GABRB3: variants seen among roughly 807,000 people sequenced by gnomAD.
The protein encoded by GABRB3 is gamma-aminobutyric acid type A receptor subunit beta3, also known as gamma-aminobutyric acid receptor subunit beta-3.
GABRB3 carries 14 observed loss-of-function variants against 52.1 expected under a neutral mutation model. The ratio of observed to expected loss-of-function variants is 0.27; its 90% confidence interval spans 0.18 to 0.42. The LOEUF is 0.42. Ranked by LOEUF, GABRB3 falls within the 10% of genes least tolerant of loss-of-function variation. The pLI is 1.00. For missense variants in GABRB3, 307 were observed against 609.1 expected, an observed-to-expected ratio of 0.50 and a Z score of 5.22; for synonymous variants, 260 against 232.3, an observed-to-expected ratio of 1.12 and a Z score of -1.08.
chr15:26,747,952 C>CTT (rs57157481), intron 3 of GABRB3, among the ~76,000 whole-genome samples: 3 of 87,446 alleles, frequency 3.4e-5, no homozygotes, highest in African/African-American at 1.7e-4. Flanking sequence ...TTTTCAAATG[C>CTT]TTTTTTTTTT....
intron 3 of GABRB3, among the ~76,000 whole-genome samples, chr15:26,742,989 G>A (rs1434680679): frequency 1.7e-5 from 2 of 119,528 alleles, no homozygotes; most frequent in Non-Finnish European, 3.2e-5. Context: ...GAGTGCAGTT[G>A]TAGGATCTCA....
chr15:26,606,827 TAGATAGATAGATAG>T (rs2140510713), intron 4 of GABRB3, among the ~76,000 whole-genome samples: 1 of 151,980 alleles, frequency 6.6e-6, no homozygotes, highest in African/African-American at 2.4e-5. Flanking sequence ...GATAGATAGA[TAGATAGATAGATAG>T]ATATGGTTAA....
intron 3 of GABRB3, among the ~76,000 whole-genome samples, chr15:26,662,944 C>T (rs534761293): frequency 3.3e-5 from 5 of 152,282 alleles, no homozygotes; most frequent in African/African-American, 1.2e-4. Flanking sequence ...TACCCCATGC[C>T]CAGTGTCCCC....
rs181401809 is a variant in GABRB3, at chr15:26,616,786, T to A, written c.461+4528A>T. Among the ~76,000 whole-genome samples the A allele has an allele frequency of 7.9e-4, 121 of 152,264 alleles. No individual in the cohort carries two copies. In the East Asian group the frequency reaches 0.023, roughly 29 times the overall value. Reference sequence around the variant, plus strand: ...CATATGAAGTTACAGACCAAGCAATTTTTATTTTCTTGGTTGATCTTACTC... The same window carrying A: ...CATATGAAGTTACAGACCAAGCAATATTTATTTTCTTGGTTGATCTTACTC... On this transcript the variant is annotated intron_variant, in intron 4 of 8. Transcript: ENST00000311550.
At chr15:26,679,355 T>C (rs1388454210) in intron 3 of GABRB3, among the ~76,000 whole-genome samples, 1 of 152,010 alleles carries the variant, frequency 6.6e-6, no homozygotes, top group African/African-American at 2.4e-5. Flanking sequence ...CTCCTTGAAC[T>C]TTCAGAATAA....
chr15:26,738,513 GA>G (rs1172334016), intron 3 of GABRB3, among the ~76,000 whole-genome samples: 2 of 152,124 alleles, frequency 1.3e-5, no homozygotes, highest in Non-Finnish European at 2.9e-5. Context: ...TATTTAAAGG[GA>G]CCTCAATAAA....
At chr15:26,634,985 AATATAT>A (rs1555372933) in intron 3 of GABRB3, among the ~76,000 whole-genome samples, 3 of 5,840 alleles carry the variant, frequency 5.1e-4, no homozygotes, top group African/African-American at 8.1e-4. Context: ...TGTATCTCTA[AATATAT>A]ATATATATAT....
At chr15:26,693,721 A>C (rs961842267) in intron 3 of GABRB3, among the ~76,000 whole-genome samples, 2 of 152,242 alleles carry the variant, frequency 1.3e-5, no homozygotes, top group African/African-American at 2.4e-5. Flanking sequence ...GATACAGAGA[A>C]TCATAGCTCA....
chr15:26,682,162 C>T (rs554407370), intron 3 of GABRB3, among the ~76,000 whole-genome samples: 6 of 152,224 alleles, frequency 3.9e-5, no homozygotes, highest in South Asian at 2.1e-4. Flanking sequence ...CATTTCTCAA[C>T]GGTGCCGCGA....
chr15:26,625,791 G>A lies in GABRB3; in HGVS notation c.241-4257C>T, dbSNP rs375839635. On this transcript the variant is annotated intron_variant, in intron 3 of 8. Transcript: ENST00000311550. ...CCTGTTGCTATGGTTCCTGCTGGCT[G>A]ACAAGGGGCTGGGGAGGTAGCAGTA... is the stretch of plus-strand genomic sequence containing the variant. Among the ~76,000 whole-genome samples, 17 of 152,278 alleles carry A rather than the reference G, an allele frequency of 1.1e-4. No homozygotes were observed. The East Asian group carries it at 2.1e-3, about 19-fold the overall frequency.
At chr15:26,596,540 C>A (rs1317484727) in intron 4 of GABRB3, among the ~76,000 whole-genome samples, 4 of 151,898 alleles carry the variant, frequency 2.6e-5, no homozygotes, top group Admixed American at 6.6e-5. Flanking sequence ...ACATTCCCCC[C>A]AAAAATATTT....
chr15:26,567,064 A>G (rs1890204499), intron 7 of GABRB3, among the ~76,000 whole-genome samples: 1 of 152,256 alleles, frequency 6.6e-6, no homozygotes, highest in South Asian at 2.1e-4. Flanking sequence ...TATAATACAT[A>G]TTGTACATCA....
intron 8 of GABRB3, among the ~76,000 whole-genome samples, chr15:26,554,672 C>T (rs537546966): frequency 2.1e-4 from 32 of 152,294 alleles, no homozygotes; most frequent in African/African-American, 7.0e-4. Context: ...ACGTGTACCA[C>T]GTCCGCGTCA....
At chr15:26,615,832 G>C in intron 4 of GABRB3, 3 of 1,217,480 alleles carry the variant, frequency 2.5e-6, no homozygotes, top group Non-Finnish European at 1.1e-6. Flanking sequence ...GTGTCCAGGG[G>C]TGAGAGAAAT....
intron 3 of GABRB3, among the ~76,000 whole-genome samples, chr15:26,735,680 G>A (rs1890045949): frequency 1.3e-5 from 2 of 152,182 alleles, no homozygotes; most frequent in Non-Finnish European, 2.9e-5. Flanking sequence ...TAGGCCCAGT[G>A]GCTCATGTCT....
chr15:26,583,773 C>T (rs9672915), intron 4 of GABRB3, among the ~76,000 whole-genome samples: 3 of 146,180 alleles, frequency 2.1e-5, no homozygotes, highest in African/African-American at 7.7e-5. Flanking sequence ...TGTATTGTAT[C>T]ACCTATTTTT....
chr15:26,738,855 T>C (rs914930410), intron 3 of GABRB3, among the ~76,000 whole-genome samples: 5 of 152,156 alleles, frequency 3.3e-5, no homozygotes, highest in Non-Finnish European at 5.9e-5. Context: ...AAATTAGCCA[T>C]ATATCTTAAT....
intron 3 of GABRB3, among the ~76,000 whole-genome samples, chr15:26,713,602 G>T (rs1889372343): frequency 6.6e-6 from 1 of 152,150 alleles, no homozygotes; most frequent in South Asian, 2.1e-4. Flanking sequence ...CTCCAAGAGG[G>T]GCCAACAGGG....
chr15:26,625,549 G>T (rs1892656777), intron 3 of GABRB3: 9 of 940,254 alleles, frequency 9.6e-6, no homozygotes, highest in Non-Finnish European at 1.1e-5. Flanking sequence ...AGAAACAGAA[G>T]ATACTTTGAG....
Sources: allele counts gnomAD v4.1 joint callset (sites outside exome capture counted in the v4.1 genomes callset), GRCh38; gene constraint gnomAD v4.1.1; transcripts MANE v1.5; gene names NCBI Gene and HGNC (gene_info 2026-07-23, HGNC 2026-07-21).